THSD7A: variants seen among roughly 807,000 people sequenced by gnomAD.
THSD7A encodes the protein thrombospondin type-1 domain-containing protein 7A.
In THSD7A, 96 loss-of-function variants were observed where a neutral mutation model predicts 231.3. The ratio of observed to expected loss-of-function variants is 0.41; its 90% CI spans 0.35 to 0.49. The LOEUF (loss-of-function observed/expected upper bound fraction) is 0.49. THSD7A is among the 20% of genes least tolerant of loss of function. THSD7A has a pLI of 0.05. For missense variants in THSD7A, 2,290 were observed against 2,070.2 expected (o/e 1.11, Z -2.06); for synonymous variants, 940 against 743.3 (o/e 1.26, Z -4.30).
chr7:11,734,534 C>T (rs764985600), intron 1 of THSD7A, among the ~76,000 whole-genome samples: 84 of 152,048 alleles, frequency 5.5e-4, no homozygotes, highest in Admixed American at 2.2e-3. Context: ...TTTTAACTAT[C>T]CAATAAAATT....
At chr7:11,528,795 A>G (rs567307245) in intron 6 of THSD7A, among the ~76,000 whole-genome samples, 1 of 152,312 alleles carries the variant, frequency 6.6e-6, no homozygotes, top group South Asian at 2.1e-4. Context: ...TTGAGAATCA[A>G]AGGTAAACAG....
At chr7:11,733,408 CT>C (rs1488168211) in intron 1 of THSD7A, among the ~76,000 whole-genome samples, 1 of 151,758 alleles carries the variant, frequency 6.6e-6, no homozygotes, top group Non-Finnish European at 1.5e-5. Context: ...CAGAAAATAT[CT>C]ATGCATAAGG....
intron 1 of THSD7A, among the ~76,000 whole-genome samples, chr7:11,686,266 T>C (rs1044125414): frequency 6.6e-6 from 1 of 151,748 alleles, no homozygotes; most frequent in African/African-American, 2.4e-5. Context: ...ATAAGATCAA[T>C]AGAATCCCAA....
intron 16 of THSD7A, among the ~76,000 whole-genome samples, chr7:11,422,507 A>T (rs1784179014): frequency 6.7e-6 from 1 of 150,214 alleles, no homozygotes; most frequent in Admixed American, 6.7e-5. Flanking sequence ...CTCTATTTGC[A>T]TTGAAGTTGT....
At chr7:11,401,453 G>C (rs553249974) in intron 23 of THSD7A, among the ~76,000 whole-genome samples, 1 of 152,216 alleles carries the variant, frequency 6.6e-6, no homozygotes, top group East Asian at 1.9e-4. Flanking sequence ...TTTCACTCTT[G>C]TTGCCCAGGC....
chr7:11,732,797 T>C (rs1010408446), intron 1 of THSD7A, among the ~76,000 whole-genome samples: 3 of 151,964 alleles, frequency 2.0e-5, no homozygotes, highest in East Asian at 1.9e-4. Flanking sequence ...TGAAAGCTTA[T>C]TTCTTTAGAT....
In THSD7A at chr7:11,745,567, T is replaced by C. The variant is rs1406066445; in HGVS notation, c.190+86190A>G. Among the ~76,000 whole-genome samples the C allele has an allele frequency of 3.3e-5, 5 of 152,174 alleles. No homozygotes were observed. In the East Asian group the frequency reaches 9.6e-4, roughly 29 times the overall value. On this transcript the variant is annotated intron_variant, in intron 1 of 27. Transcript: ENST00000423059. ...TGCCTAGGTTTTCTTCTAGGGTTTT[T>C]ATGGTTTTAGGTCTAAAATTTAAGT...
intron 4 of THSD7A, among the ~76,000 whole-genome samples, chr7:11,553,884 C>T (rs1789733144): frequency 6.6e-6 from 1 of 151,782 alleles, no homozygotes; most frequent in Non-Finnish European, 1.5e-5. Flanking sequence ...CTTTTTCTAT[C>T]AAGATGGCCA....
At chr7:11,748,262 A>G (rs1171976845) in intron 1 of THSD7A, among the ~76,000 whole-genome samples, 1 of 152,084 alleles carries the variant, frequency 6.6e-6, no homozygotes, top group Non-Finnish European at 1.5e-5. Context: ...AAATTTGAAT[A>G]GTAACAAACA....
chr7:11,475,590 T>TATATATAACATATATAA (rs1786132009), intron 7 of THSD7A, among the ~76,000 whole-genome samples: 2 of 143,618 alleles, frequency 1.4e-5, no homozygotes, highest in Non-Finnish European at 1.5e-5. Context: ...AACATATATG[T>TATATATAACATATATAA]ATATAACATA....
intron 6 of THSD7A, among the ~76,000 whole-genome samples, chr7:11,502,045 C>T (rs977653406): frequency 5.3e-5 from 8 of 152,038 alleles, no homozygotes; most frequent in Non-Finnish European, 8.8e-5. Flanking sequence ...TGGATAAACT[C>T]CTGGACATAC....
rs575417370 is a variant in THSD7A, at chr7:11,715,595, T to C, written c.191-78634A>G. 2.0e-5 allele frequency among the ~76,000 whole-genome samples: 3 copies of C among 151,630 alleles called. No individual in the cohort carries two copies. In the South Asian group the frequency reaches 6.2e-4, roughly 31 times the overall value. Reference sequence around the variant, plus strand: ...CAATAGAATTTTGATTTGAGAATTATATATTTTGTATAGATTCTTGTTTAA... The same window carrying C: ...CAATAGAATTTTGATTTGAGAATTACATATTTTGTATAGATTCTTGTTTAA... On this transcript the variant is annotated intron_variant, in intron 1 of 27. Coordinates refer to ENST00000423059, the MANE Select transcript of THSD7A (RefSeq NM_015204.3).
At chr7:11,441,771 T>G (rs1056430374) in intron 13 of THSD7A, among the ~76,000 whole-genome samples, 1 of 151,354 alleles carries the variant, frequency 6.6e-6, no homozygotes, top group African/African-American at 2.4e-5. Context: ...TAAGTGGGAG[T>G]TGAACAATGA....
At chr7:11,501,130 C>A (rs183611632) in intron 6 of THSD7A, among the ~76,000 whole-genome samples, 233 of 152,134 alleles carry the variant, frequency 1.5e-3, no homozygotes, top group African/African-American at 5.3e-3. Context: ...ATTCATAAAG[C>A]AAGTTCCTAG....
At chr7:11,400,925 G>T (rs11761309) in intron 23 of THSD7A, among the ~76,000 whole-genome samples, 1 of 152,022 alleles carries the variant, frequency 6.6e-6, no homozygotes, top group South Asian at 2.1e-4. Context: ...TCGAGTCTTC[G>T]GGTGTTGTTT....
chr7:11,441,780 G>T (rs1014662159), intron 13 of THSD7A, among the ~76,000 whole-genome samples: 2 of 151,924 alleles, frequency 1.3e-5, no homozygotes, highest in South Asian at 2.1e-4. Flanking sequence ...GTTGAACAAT[G>T]AGAACACATG....
intron 1 of THSD7A, among the ~76,000 whole-genome samples, chr7:11,704,739 C>A (rs1245417443): frequency 6.6e-6 from 1 of 151,020 alleles, no homozygotes; most frequent in Non-Finnish European, 1.5e-5. Context: ...CCCAAAACTG[C>A]CCATAGCTTA....
intron 23 of THSD7A, among the ~76,000 whole-genome samples, chr7:11,399,105 TC>T (rs1783302606): frequency 6.6e-6 from 1 of 152,208 alleles, no homozygotes; most frequent in East Asian, 1.9e-4. Flanking sequence ...ACCAGCCTGA[TC>T]AAATCTCAAC....
chr7:11,722,984 C>A (rs1451974467), intron 1 of THSD7A, among the ~76,000 whole-genome samples: 2 of 151,854 alleles, frequency 1.3e-5, no homozygotes, highest in Non-Finnish European at 2.9e-5. Context: ...TGGGTATATA[C>A]CCAAAGGATT....
Sources: gnomAD v4.1 joint callset for allele counts (sites outside exome capture counted in the v4.1 genomes callset) on GRCh38, gnomAD v4.1.1 for gene constraint, MANE v1.5 for transcripts, NCBI Gene and HGNC (gene_info 2026-07-23, HGNC 2026-07-21) for gene names.